The following GADL1 variants were observed in gnomAD, a reference collection of about 807,000 sequenced individuals.
GADL1 encodes the protein acidic amino acid decarboxylase GADL1.
Under a neutral mutation model 69.5 loss-of-function variants are expected in GADL1, and 71 were observed. The ratio of observed to expected loss-of-function variants is 1.02; its 90% CI spans 0.84 to 1.25. The LOEUF (loss-of-function observed/expected upper bound fraction) is 1.25. Ranked by LOEUF, GADL1 falls within the 50% of genes most tolerant of loss-of-function variation. The pLI is 0.00. For synonymous variants in GADL1, 254 were observed against 214.4 expected (o/e 1.18, Z -1.62); for missense variants, 737 against 631.8 (o/e 1.17, Z -1.79).
chr3:30,809,007 A>G (rs1697307738), intron 11 of GADL1, among the ~76,000 whole-genome samples: 1 of 152,172 alleles, frequency 6.6e-6, no homozygotes, highest in Non-Finnish European at 1.5e-5. Flanking sequence ...TGTGCTTCAT[A>G]TACTCAACTC....
intron 11 of GADL1, among the ~76,000 whole-genome samples, chr3:30,820,299 C>A (rs898748191): frequency 6.6e-6 from 1 of 151,772 alleles, no homozygotes; most frequent in Non-Finnish European, 1.5e-5. Context: ...TAACTTAGGG[C>A]AACTTCAATA....
intron 8 of GADL1, 51 bp downstream of exon 8, chr3:30,844,159 G>A (rs768491620): frequency 4.9e-6 from 7 of 1,415,898 alleles, no homozygotes; most frequent in African/African-American, 2.9e-5. Context: ...GCGCGCGGGC[G>A]TGCGCGCACA....
chr3:30,891,552 G>A (rs1367632522), intron 1 of GADL1, among the ~76,000 whole-genome samples: 1 of 152,092 alleles, frequency 6.6e-6, no homozygotes, highest in Admixed American at 6.5e-5. Context: ...CCAGGGATTA[G>A]GTGTTAGGAG....
chr3:30,823,597 A>G (rs1697629339), intron 11 of GADL1, among the ~76,000 whole-genome samples: 1 of 151,988 alleles, frequency 6.6e-6, no homozygotes, highest in African/African-American at 2.4e-5. Flanking sequence ...AAATTTTCAA[A>G]TAAAATATTA....
intron 9 of GADL1, among the ~76,000 whole-genome samples, chr3:30,836,533 G>C (rs1467389119): frequency 3.3e-5 from 5 of 151,898 alleles, no homozygotes; most frequent in African/African-American, 1.2e-4. Flanking sequence ...AATAAAGACT[G>C]TCATTTATTA....
At chr3:30,829,925 A>G (rs1697759730) in intron 11 of GADL1, among the ~76,000 whole-genome samples, 1 of 151,926 alleles carries the variant, frequency 6.6e-6, no homozygotes, top group South Asian at 2.1e-4. Context: ...GGAGAGGAAC[A>G]GAGTCTGAGA....
intron 13 of GADL1, among the ~76,000 whole-genome samples, chr3:30,785,592 G>A (rs1253656078): frequency 6.6e-6 from 1 of 152,018 alleles, no homozygotes. Context: ...ATGTTAGGCT[G>A]GTCTCGAACT....
At chr3:30,774,754 ATAT>A (rs1302725536) in intron 14 of GADL1, among the ~76,000 whole-genome samples, 13 of 152,178 alleles carry the variant, frequency 8.5e-5, no homozygotes, top group South Asian at 8.3e-4. Flanking sequence ...AGTAAAGGGT[ATAT>A]TATTCTCCTA....
intron 1 of GADL1, among the ~76,000 whole-genome samples, chr3:30,864,472 CA>C (rs1361783485): frequency 1.3e-5 from 2 of 151,546 alleles, no homozygotes; most frequent in Non-Finnish European, 2.9e-5. Context: ...GTCTTCACAC[CA>C]ATGAATTAAA....
intron 14 of GADL1, among the ~76,000 whole-genome samples, chr3:30,769,713 T>A (rs1343543538): frequency 6.6e-6 from 1 of 152,200 alleles, no homozygotes; most frequent in Admixed American, 6.5e-5. Context: ...TAAACTGTGT[T>A]GCCACATTTG....
At chr3:30,853,641 A>G (rs1320011870) in intron 4 of GADL1, among the ~76,000 whole-genome samples, 2 of 152,254 alleles carry the variant, frequency 1.3e-5, no homozygotes, top group East Asian at 1.9e-4. Flanking sequence ...GCTTATTTCT[A>G]TGAATGATAT....
At chr3:30,801,372 C>T (rs1697161837) in intron 11 of GADL1, among the ~76,000 whole-genome samples, 1 of 152,030 alleles carries the variant, frequency 6.6e-6, no homozygotes, top group African/African-American at 2.4e-5. Flanking sequence ...ATTATGACAT[C>T]AAGGTGGCCC....
chr3:30,787,380 ATAT>A (rs1696818536), intron 12 of GADL1, among the ~76,000 whole-genome samples: 1 of 152,162 alleles, frequency 6.6e-6, no homozygotes, highest in Admixed American at 6.6e-5. Context: ...GCCCTATATA[ATAT>A]TGACTCCTCT....
intron 11 of GADL1, among the ~76,000 whole-genome samples, chr3:30,812,736 G>T (rs904741858): frequency 1.3e-5 from 2 of 152,160 alleles, no homozygotes; most frequent in African/African-American, 2.4e-5. Context: ...ACTTGGCTCT[G>T]ATAGGAAGAA....
At chr3:30,841,782 G>T (rs893838659) in intron 8 of GADL1, among the ~76,000 whole-genome samples, 5 of 152,030 alleles carry the variant, frequency 3.3e-5, no homozygotes, top group Non-Finnish European at 7.4e-5. Flanking sequence ...ATGGACTGAC[G>T]ATACCAGACC....
Position 30,861,607 on chromosome 3 carries a change from C to CT in GADL1, c.195dup (p.Asp66ArgfsTer4), listed in dbSNP as rs1559363662. 6.5e-7 allele frequency: 1 copy of CT among 1,547,720 alleles called. No individual in the cohort carries two copies. The highest frequency in any genetic ancestry group is 2.0e-5 in the Admixed American group (1 of 50,458). ...TTAATTTTTACCTTCTCATTGACAT[C>CT]TGTAGCTTTCAAAACCACCTCTTCC... is the stretch of plus-strand genomic sequence containing the variant. On this transcript the variant is annotated frameshift_variant, in exon 2 of 15. Coordinates refer to ENST00000282538, the MANE Select transcript of GADL1 (RefSeq NM_207359.3). LOFTEE classifies it high-confidence loss of function.
chr3:30,857,748 T>A (rs893080410), intron 2 of GADL1, among the ~76,000 whole-genome samples: 1 of 151,888 alleles, frequency 6.6e-6, no homozygotes, highest in African/African-American at 2.4e-5. Context: ...TATAAAATGA[T>A]CCTTTACGAT....
intron 11 of GADL1, among the ~76,000 whole-genome samples, chr3:30,827,989 T>C (rs1697711582): frequency 6.6e-6 from 1 of 151,910 alleles, no homozygotes; most frequent in Non-Finnish European, 1.5e-5. Context: ...TAAAGAAATT[T>C]ATAATGTACC....
At chr3:30,891,477 C>T (rs1293473990) in intron 1 of GADL1, among the ~76,000 whole-genome samples, 1 of 152,078 alleles carries the variant, frequency 6.6e-6, no homozygotes, top group Admixed American at 6.5e-5. Context: ...CCTGTGGTCC[C>T]AGCAGAGGCA....
Sources: allele counts gnomAD v4.1 joint callset (sites outside exome capture counted in the v4.1 genomes callset), GRCh38; gene constraint gnomAD v4.1.1; transcripts MANE v1.5; gene names NCBI Gene and HGNC (gene_info 2026-07-23, HGNC 2026-07-21).